Variants in EIF4G3 observed in about 807,000 individuals in gnomAD.
EIF4G3 encodes eIF-4-gamma 3.
Under a neutral mutation model 186.4 loss-of-function variants are expected in EIF4G3, and 34 were observed. The observed-to-expected ratio is 0.18, with a 90% CI of 0.14 to 0.24. The LOEUF (loss-of-function observed/expected upper bound fraction) is 0.24. Ranked by LOEUF, EIF4G3 falls within the 10% of genes least tolerant of loss-of-function variation. The pLI, the probability that EIF4G3 is intolerant of heterozygous loss-of-function variation, is 1.00. For missense variants in EIF4G3, 1,536 were observed against 1,948.5 expected, an observed-to-expected ratio of 0.79 and a Z score of 3.99; for synonymous variants, 673 against 679.5, an observed-to-expected ratio of 0.99 and a Z score of 0.15.
rs759098627 is a variant in EIF4G3 at position 21,176,234 on chromosome 1, C to CGCT, written c.-332_-331insAGC. On this transcript the variant is annotated 5_prime_UTR_variant, in exon 2 of 37. Transcript: ENST00000602326. ...TCGGGTGAGGAGGGGGGACCGCTGCCGCCGCCGCCGCCGCCGCCGCCGCCG... is the reference window on the plus strand; with the variant it reads ...TCGGGTGAGGAGGGGGGACCGCTGCCGCTGCCGCCGCCGCCGCCGCCGCCGCCG... 38 of 121,406 alleles carry CGCT rather than the reference C, an allele frequency of 3.1e-4. No homozygotes were observed. The highest frequency in any genetic ancestry group is 4.6e-4 in the South Asian group (2 of 4,352). 7.5% of individuals were successfully genotyped at this position (121,406 alleles called of 1,614,324 possible).
rs78460951 is a variant in EIF4G3 at position 21,005,593 on chromosome 1, A to G, written c.-66-2785T>C. On this transcript the variant is annotated intron_variant, in intron 4 of 36. Coordinates refer to ENST00000602326, the MANE Select transcript of EIF4G3 (RefSeq NM_001391906.1). ...GACAACCTTATTTGACTTCACTCAA[A>G]ATTTTAACAACATTTTCAACACTCA... Among the ~76,000 whole-genome samples the G allele has an allele frequency of 3.9e-3, 598 of 152,292 alleles. 5 individuals are homozygous for G. The highest frequency in any genetic ancestry group is 0.013 in the African/African-American group (560 of 41,574).
chr1:20,858,128 T>C (rs1202779004), intron 24 of EIF4G3, among the ~76,000 whole-genome samples: 1 of 152,212 alleles, frequency 6.6e-6, no homozygotes, highest in Non-Finnish European at 1.5e-5. Flanking sequence ...CCTTCAGCTG[T>C]GCTCATCATG....
intron 18 of EIF4G3, among the ~76,000 whole-genome samples, chr1:20,889,649 C>T (rs1284477346): frequency 6.6e-6 from 1 of 152,140 alleles, no homozygotes; most frequent in Non-Finnish European, 1.5e-5. Flanking sequence ...CGCCACCACA[C>T]CCGGCTAATT....
At chr1:21,103,802 CCACTG>C (rs900141285) in intron 2 of EIF4G3, among the ~76,000 whole-genome samples, 1 of 152,142 alleles carries the variant, frequency 6.6e-6, no homozygotes, top group Non-Finnish European at 1.5e-5. Context: ...CAAGATCACA[CCACTG>C]CACTCCAACC....
chr1:20,954,168 C>T (rs1250765284), intron 12 of EIF4G3, among the ~76,000 whole-genome samples: 1 of 152,082 alleles, frequency 6.6e-6, no homozygotes, highest in Non-Finnish European at 1.5e-5. Flanking sequence ...TGTATAAATA[C>T]CTCATGTATT....
At chr1:21,171,670 A>G (rs961086345) in intron 2 of EIF4G3, among the ~76,000 whole-genome samples, 1 of 152,224 alleles carries the variant, frequency 6.6e-6, no homozygotes, top group East Asian at 1.9e-4. Context: ...CACTTGCAAG[A>G]ATAACACAAA....
intron 4 of EIF4G3, among the ~76,000 whole-genome samples, chr1:21,017,405 G>C (rs1048579013): frequency 2.6e-5 from 4 of 151,988 alleles, no homozygotes; most frequent in African/African-American, 9.7e-5. Context: ...GAGGTGGGTG[G>C]ATCACGAGGT....
At chr1:20,979,260 T>C (rs565726793) in intron 10 of EIF4G3, among the ~76,000 whole-genome samples, 4 of 152,218 alleles carry the variant, frequency 2.6e-5, no homozygotes, top group Non-Finnish European at 5.9e-5. Context: ...TCTCTCTAAA[T>C]TAAAAACACT....
chr1:21,172,656 C>G (rs2098005397), intron 2 of EIF4G3, among the ~76,000 whole-genome samples: 1 of 152,098 alleles, frequency 6.6e-6, no homozygotes, highest in Admixed American at 6.5e-5. Flanking sequence ...TCACGCCATT[C>G]TCCTGCCTCA....
At chr1:20,851,519 C>G in intron 27 of EIF4G3, 41 bp from the exon 28 acceptor site, 1 of 1,576,146 alleles carries the variant, frequency 6.3e-7, no homozygotes. Context: ...AAAGACAAGC[C>G]CATGTCCCCC....
intron 4 of EIF4G3, among the ~76,000 whole-genome samples, chr1:21,036,309 A>G (rs1328782148): frequency 6.6e-6 from 1 of 152,068 alleles, no homozygotes; most frequent in Admixed American, 6.5e-5. Flanking sequence ...CTGCTCTGAC[A>G]CTCAGTAAAG....
intron 14 of EIF4G3, among the ~76,000 whole-genome samples, chr1:20,921,365 G>C (rs2094484792): frequency 6.6e-6 from 1 of 152,346 alleles, no homozygotes; most frequent in South Asian, 2.1e-4. Flanking sequence ...AAAGAGAAAA[G>C]AAGTGGCTCA....
At chr1:21,021,952 ATAATT>A (rs1237803123) in intron 4 of EIF4G3, among the ~76,000 whole-genome samples, 4 of 152,220 alleles carry the variant, frequency 2.6e-5, no homozygotes, top group African/African-American at 9.6e-5. Flanking sequence ...TATTGCTACT[ATAATT>A]TAATATTAAC....
intron 2 of EIF4G3, among the ~76,000 whole-genome samples, chr1:21,144,215 A>G (rs1000770135): frequency 6.6e-6 from 1 of 152,198 alleles, no homozygotes; most frequent in Non-Finnish European, 1.5e-5. Context: ...CATCCCTCCC[A>G]TAACAATAAC....
intron 3 of EIF4G3, among the ~76,000 whole-genome samples, chr1:21,057,348 A>T (rs1415859938): frequency 2.0e-5 from 3 of 152,146 alleles, no homozygotes; most frequent in Non-Finnish European, 4.4e-5. Flanking sequence ...AACTACCATA[A>T]CACAATTTAG....
chr1:20,857,399 T>G lies in EIF4G3; in HGVS notation c.3339+4A>C, dbSNP rs767515436. 18 of 1,612,122 alleles carry G rather than the reference T, an allele frequency of 1.1e-5. No homozygotes were observed. Among genetic ancestry groups the G allele is most frequent in the Non-Finnish European group, 1.4e-5 (17 of 1,178,398 alleles). On this transcript the variant is annotated splice_donor_region_variant and intron_variant, in intron 25 of 36. Transcript: ENST00000602326. ...GTAAATTGTACTTTAAATGTCAGAC[T>G]CACCTTAGTGATTTTTAGGAATTTT...
intron 20 of EIF4G3, among the ~76,000 whole-genome samples, chr1:20,865,631 G>A (rs2077393875): frequency 6.6e-6 from 1 of 151,426 alleles, no homozygotes; most frequent in Non-Finnish European, 1.5e-5. Context: ...AAGTATTTTG[G>A]TTTAATAGAA....
intron 2 of EIF4G3, among the ~76,000 whole-genome samples, chr1:21,133,411 A>G (rs1971351): frequency 0.43 from 65,410 of 151,682 alleles, 14,466 homozygotes; most frequent in Non-Finnish European, 0.47. Flanking sequence ...TTTTTTAGTA[A>G]AGACAGGGTT....
intron 27 of EIF4G3, among the ~76,000 whole-genome samples, chr1:20,852,200 C>T (rs1293438242): frequency 6.6e-6 from 1 of 152,098 alleles, no homozygotes; most frequent in Non-Finnish European, 1.5e-5. Flanking sequence ...CAGGGTTTCT[C>T]CATGTTGGTC....
Sources: allele counts gnomAD v4.1 joint callset (sites outside exome capture counted in the v4.1 genomes callset), GRCh38; gene constraint gnomAD v4.1.1; transcripts MANE v1.5; gene names NCBI Gene and HGNC (gene_info 2026-07-23, HGNC 2026-07-21).